The following LDB2 variants were observed in gnomAD, a reference collection of about 807,000 sequenced individuals.
LDB2 encodes the protein LIM domain-binding protein 2.
LDB2 carries 12 observed loss-of-function variants against 44.3 expected under a neutral mutation model. The observed-to-expected ratio is 0.27, with a 90% CI of 0.17 to 0.44. The LOEUF (loss-of-function observed/expected upper bound fraction) is 0.44. Among genes scored for constraint, LDB2 ranks in the 20% least tolerant of loss-of-function variants. The probability of loss-of-function intolerance (pLI) is 1.00; values close to 1 mark genes in which losing one functional copy is unlikely to be tolerated. For synonymous variants in LDB2, 164 were observed against 174.8 expected (o/e 0.94, Z 0.49); for missense variants, 344 against 473.5 (o/e 0.73, Z 2.54).
At chr4:16,783,956 A>G (rs1382939152) in intron 1 of LDB2, among the ~76,000 whole-genome samples, 1 of 152,152 alleles carries the variant, frequency 6.6e-6, no homozygotes, top group Non-Finnish European at 1.5e-5. Context: ...TCCCTTTATT[A>G]CTGAAGAATC....
At chr4:16,888,584 T>C (rs1405679597) in intron 1 of LDB2, 2 of 361,226 alleles carry the variant, frequency 5.5e-6, no homozygotes, top group African/African-American at 2.2e-5. Flanking sequence ...GCAAGTTTTG[T>C]TTATTAAATT....
intron 1 of LDB2, among the ~76,000 whole-genome samples, chr4:16,789,777 A>C (rs562364039): frequency 6.6e-6 from 1 of 152,150 alleles, no homozygotes; most frequent in African/African-American, 2.4e-5. Flanking sequence ...TAAAAAATAC[A>C]AAAAATTAGC....
At chr4:16,784,244 C>A (rs148483910) in intron 1 of LDB2, among the ~76,000 whole-genome samples, 1 of 152,134 alleles carries the variant, frequency 6.6e-6, no homozygotes, top group Non-Finnish European at 1.5e-5. Context: ...GACATCCATG[C>A]GGAGCTTGTC....
Position 16,898,439 on chromosome 4 carries a change from G to A in LDB2, c.47C>T (p.Pro16Leu). 6.2e-7 allele frequency: 1 copy of A among 1,613,852 alleles called. No individual in the cohort carries two copies. Among genetic ancestry groups the A allele is most frequent in the Non-Finnish European group, 8.5e-7 (1 of 1,179,936 alleles). The stretch of plus-strand genomic sequence containing the variant: ...GTATGGTGTATGCCTCCTATAAAAT[G>A]GGCCGAAAGGAGAAGAATAGAAGGG... ...HDPFYSSPFG[P>L]FYRRHTPYMV... Residue 16 changes from proline to leucine, a missense_variant, in exon 1 of 8, where the codon CCA (proline) becomes CTA (leucine). Pro to Leu is a moderately conservative substitution (Grantham distance 98). This residue lies in a region of LDB2 where 226 missense variants were observed against 270.1 expected (regional missense o/e 0.84). Coordinates refer to ENST00000304523, the MANE Select transcript of LDB2 (RefSeq NM_001290.5).
intron 2 of LDB2, among the ~76,000 whole-genome samples, chr4:16,639,228 T>C (rs1734483528): frequency 6.6e-6 from 1 of 152,228 alleles, no homozygotes; most frequent in South Asian, 2.1e-4. Flanking sequence ...AAAACAATGG[T>C]TGCCCAATTT....
chr4:16,836,629 T>G (rs1784923114), intron 1 of LDB2, among the ~76,000 whole-genome samples: 1 of 152,216 alleles, frequency 6.6e-6, no homozygotes, highest in Non-Finnish European at 1.5e-5. Flanking sequence ...ATTGCTCCCC[T>G]TGTCTAAGAT....
At chr4:16,827,204 G>C (rs779028511) in intron 1 of LDB2, among the ~76,000 whole-genome samples, 2 of 152,144 alleles carry the variant, frequency 1.3e-5, no homozygotes, top group African/African-American at 4.8e-5. Flanking sequence ...GGCACTACCC[G>C]TCTCTCTCAT....
intron 2 of LDB2, among the ~76,000 whole-genome samples, chr4:16,624,347 T>C (rs1729712385): frequency 6.6e-6 from 1 of 152,152 alleles, no homozygotes; most frequent in South Asian, 2.1e-4. Context: ...TACACCTGCC[T>C]CAGTCTCCCA....
At chr4:16,799,350 T>C (rs1777331436) in intron 1 of LDB2, among the ~76,000 whole-genome samples, 1 of 152,170 alleles carries the variant, frequency 6.6e-6, no homozygotes, top group African/African-American at 2.4e-5. Context: ...AACAGACACA[T>C]AGTAGGTAAC....
chr4:16,850,999 C>T (rs571690524), intron 1 of LDB2, among the ~76,000 whole-genome samples: 26 of 133,602 alleles, frequency 1.9e-4, no homozygotes, highest in African/African-American at 7.4e-4. Context: ...GGAGATGACA[C>T]CCAGGGAGAA....
chr4:16,550,089 G>T (rs1357483142), intron 5 of LDB2, among the ~76,000 whole-genome samples: 1 of 152,164 alleles, frequency 6.6e-6, no homozygotes, highest in Non-Finnish European at 1.5e-5. Context: ...TGGAATCAAA[G>T]ATCTTACCTA....
intron 1 of LDB2, among the ~76,000 whole-genome samples, chr4:16,873,642 T>TATA (rs1174998494): frequency 2.0e-5 from 3 of 152,240 alleles, no homozygotes; most frequent in African/African-American, 7.2e-5. Context: ...CTTAATATTG[T>TATA]TTTTATATTT....
chr4:16,898,519 G>T lies in LDB2; in HGVS notation c.-34C>A, dbSNP rs1276231893. On this transcript the variant is annotated 5_prime_UTR_variant, in exon 1 of 8. Coordinates refer to ENST00000304523, the MANE Select transcript of LDB2 (RefSeq NM_001290.5). ...CTTTTCGAAAATCAAGCTAAACAGA[G>T]TATCAGTAACGTCCATGCAGAGCAC... The T allele has an allele frequency of 8.7e-6, 14 of 1,611,066 alleles. No homozygotes were observed. In the Admixed American group the frequency reaches 2.2e-4, roughly 25 times the overall value.
rs770502280 is a variant in LDB2, at chr4:16,508,724, G to A, written c.740-38C>T. 2.4e-5 allele frequency: 39 copies of A among 1,595,546 alleles called. No homozygotes were observed. The African/African-American group carries it at 3.1e-4, about 13-fold the overall frequency. ...AAAGGGAAGAGGGATCAGTTCTAGG[G>A]CAAAAGCAACAAGGCAATCATCAGT... is the stretch of plus-strand genomic sequence containing the variant. On this transcript the variant is annotated intron_variant, in intron 6 of 7. Transcript: ENST00000304523.
intron 1 of LDB2, among the ~76,000 whole-genome samples, chr4:16,780,261 C>T (rs1220971949): frequency 3.9e-5 from 6 of 152,066 alleles, no homozygotes; most frequent in South Asian, 2.1e-4. Context: ...CTCACTCTGT[C>T]GCCCAGGCTG....
chr4:16,594,280 G>A (rs983651240), intron 3 of LDB2, among the ~76,000 whole-genome samples: 2 of 152,082 alleles, frequency 1.3e-5, no homozygotes, highest in African/African-American at 2.4e-5. Flanking sequence ...TTACATGTCC[G>A]TCTGATCTAC....
At chr4:16,812,631 A>ATATGTGTGTGTG (rs71649984) in intron 1 of LDB2, among the ~76,000 whole-genome samples, 6 of 126,050 alleles carry the variant, frequency 4.8e-5, no homozygotes, top group Admixed American at 3.3e-4. Flanking sequence ...TATTAAATAT[A>ATATGTGTGTGTG]TGTGTGTGTG....
chr4:16,658,378 C>T (rs780380824), intron 2 of LDB2, among the ~76,000 whole-genome samples: 18 of 152,158 alleles, frequency 1.2e-4, no homozygotes, highest in Non-Finnish European at 2.6e-4. Flanking sequence ...ACCAGTGTCT[C>T]CATAATAGTT....
chr4:16,541,239 G>C (rs975648553), intron 5 of LDB2, among the ~76,000 whole-genome samples: 3 of 152,114 alleles, frequency 2.0e-5, no homozygotes, highest in African/African-American at 7.2e-5. Context: ...GAATGGTTTA[G>C]TGCCATCCAC....
Sources: gnomAD v4.1 joint callset for allele counts (sites outside exome capture counted in the v4.1 genomes callset) on GRCh38, gnomAD v4.1.1 for gene constraint, gnomAD v4.1.1 regional missense constraint, MANE v1.5 for transcripts, NCBI Gene and HGNC (gene_info 2026-07-23, HGNC 2026-07-21) for gene names.